The following BCAR3 variants were observed in gnomAD, a reference collection of about 807,000 sequenced individuals.
BCAR3 encodes breast cancer anti-estrogen resistance protein 3.
A neutral mutation model predicts 80.1 loss-of-function variants in BCAR3; 37 were observed. The ratio of observed to expected loss-of-function variants is 0.46; its 90% CI spans 0.36 to 0.61. The LOEUF (loss-of-function observed/expected upper bound fraction) is 0.61. BCAR3 is among the 20% of genes least tolerant of loss of function. The pLI, the probability that BCAR3 is intolerant of heterozygous loss-of-function variation, is 0.00. For synonymous variants in BCAR3, 389 were observed against 418.9 expected, an observed-to-expected ratio of 0.93 and a Z score of 0.87; for missense variants, 978 against 1,068.2, an observed-to-expected ratio of 0.92 and a Z score of 1.18.
chr1:93,610,497 A>T (rs1040397991), intron 3 of BCAR3, among the ~76,000 whole-genome samples: 5 of 152,024 alleles, frequency 3.3e-5, no homozygotes, highest in South Asian at 2.1e-4. Flanking sequence ...ACAAACAACA[A>T]CATCAAAAAC....
At position 93,787,759 on chromosome 1, in the gene BCAR3, C is replaced by T. The variant is rs929648441; in HGVS notation, c.-63+57808G>A. On this transcript the variant is annotated intron_variant, in intron 2 of 13. Transcript: ENST00000370244. ...ATGGTCTATCTTGGAGAATGTTCCA[C>T]GTGCTGATGAGAAGAATATATATTC... Among the ~76,000 whole-genome samples the T allele has an allele frequency of 3.3e-5, 5 of 152,074 alleles. No individual in the cohort carries two copies. The South Asian group carries it at 8.3e-4, about 25-fold the overall frequency.
intron 3 of BCAR3, among the ~76,000 whole-genome samples, chr1:93,604,624 C>G (rs1243757088): frequency 6.6e-6 from 1 of 152,164 alleles, no homozygotes; most frequent in African/African-American, 2.4e-5. Flanking sequence ...CCCCTGTTAC[C>G]TTTGATCCAC....
At chr1:93,762,798 C>G (rs1651997654) in intron 2 of BCAR3, among the ~76,000 whole-genome samples, 1 of 152,042 alleles carries the variant, frequency 6.6e-6, no homozygotes, top group African/African-American at 2.4e-5. Context: ...TCTAAGTTGC[C>G]TCACCCACTC....
In BCAR3 at chr1:93,621,304, C is replaced by T. The variant is rs539550949; in HGVS notation, c.357+21000G>A. On this transcript the variant is annotated intron_variant, in intron 3 of 11. Transcript: ENST00000260502. ...TGCCAAAGTAGCTGTGAGAATCAGT[C>T]CAGATGAGGAGTTCTGAACCTAGGG... is the stretch of plus-strand genomic sequence containing the variant. Among the ~76,000 whole-genome samples, 3 of 152,306 alleles carry T rather than the reference C, an allele frequency of 2.0e-5. No individual in the cohort carries two copies. In the East Asian group the frequency reaches 5.8e-4, roughly 29 times the overall value.
chr1:93,761,268 C>T (rs1651935891), intron 2 of BCAR3, among the ~76,000 whole-genome samples: 1 of 152,118 alleles, frequency 6.6e-6, no homozygotes, highest in African/African-American at 2.4e-5. Flanking sequence ...TCTGCTGACC[C>T]CAACGTCCTG....
In BCAR3 at chr1:93,607,147, C is replaced by CA. The variant is rs373300938; in HGVS notation, c.358-14755dup. 5.0e-3 allele frequency among the ~76,000 whole-genome samples: 764 copies of CA among 152,234 alleles called. 7 individuals are homozygous for CA. Among genetic ancestry groups the CA allele is most frequent in the African/African-American group, 0.018 (732 of 41,540 alleles). The stretch of plus-strand genomic sequence containing the variant: ...GGGGCTGACAAATTACCCATTGGTA[C>CA]AATGTTCATTATTTGGGTGGTGAGT... On this transcript the variant is annotated intron_variant, in intron 3 of 11. Transcript: ENST00000260502.
intron 1 of BCAR3, among the ~76,000 whole-genome samples, chr1:93,675,513 G>A (rs1016971388): frequency 6.6e-6 from 1 of 152,156 alleles, no homozygotes; most frequent in African/African-American, 2.4e-5. Flanking sequence ...AGGGTCAGGA[G>A]GTGGGCCATT....
intron 1 of BCAR3, among the ~76,000 whole-genome samples, chr1:93,677,503 T>C (rs1571036537): frequency 6.6e-6 from 1 of 152,136 alleles, no homozygotes; most frequent in East Asian, 1.9e-4. Flanking sequence ...CTGGTTGTTC[T>C]GGAGGGGAGA....
intron 2 of BCAR3, among the ~76,000 whole-genome samples, chr1:93,651,596 G>T (rs1043197260): frequency 6.6e-6 from 1 of 152,198 alleles, no homozygotes; most frequent in African/African-American, 2.4e-5. Flanking sequence ...GCTAGGAAGA[G>T]GAGTCTGAGG....
chr1:93,825,816 C>T (rs1188871740), intron 2 of BCAR3, among the ~76,000 whole-genome samples: 2 of 152,184 alleles, frequency 1.3e-5, no homozygotes, highest in African/African-American at 4.8e-5. Flanking sequence ...ACTTCACTAA[C>T]CTGGTCCCTC....
chr1:93,836,433 C>A (rs1654770137), intron 2 of BCAR3, among the ~76,000 whole-genome samples: 1 of 152,046 alleles, frequency 6.6e-6, no homozygotes. Flanking sequence ...TCAGTTCATA[C>A]AAAACCACAT....
At chr1:93,789,630 G>A (rs1653072440) in intron 2 of BCAR3, among the ~76,000 whole-genome samples, 1 of 152,178 alleles carries the variant, frequency 6.6e-6, no homozygotes, top group Admixed American at 6.5e-5. Flanking sequence ...CATTTGTTTA[G>A]AATGATAGGG....
At chr1:93,648,625 T>C (rs1391039226) in intron 2 of BCAR3, 2 of 152,250 alleles carry the variant, frequency 1.3e-5, no homozygotes, top group African/African-American at 4.8e-5. Context: ...CAGTGCTTGC[T>C]TATATTTCCT....
At chr1:93,659,105 T>C (rs557195646) in intron 2 of BCAR3, among the ~76,000 whole-genome samples, 8 of 152,318 alleles carry the variant, frequency 5.3e-5, no homozygotes, top group Non-Finnish European at 1.0e-4. Flanking sequence ...TTCTCCAGCA[T>C]GAAGCTTCAG....
Position 93,629,461 on chromosome 1 carries a change from G to T in BCAR3, c.357+12843C>A, listed in dbSNP as rs376225104. The stretch of plus-strand genomic sequence containing the variant: ...TAGCATTTTAGAGCTCTTCATTCAA[G>T]AACATTGACAATTAATTCTAATAAT... On this transcript the variant is annotated intron_variant, in intron 3 of 11. Coordinates refer to ENST00000260502, the MANE Select transcript of BCAR3 (RefSeq NM_003567.4). 1.2e-3 allele frequency among the ~76,000 whole-genome samples: 178 copies of T among 152,282 alleles called. 7 individuals are homozygous for T. In the South Asian group the frequency reaches 0.035, roughly 30 times the overall value.
chr1:93,588,914 T>G, intron 5 of BCAR3, 63 bp downstream of exon 5: 1 of 1,452,928 alleles, frequency 6.9e-7, no homozygotes, highest in Admixed American at 2.3e-5. Flanking sequence ...ATTCTTCACC[T>G]GCCTAACTAA....
Position 93,674,954 on chromosome 1 carries a change from G to C in BCAR3, c.-11-13C>G. The C allele has an allele frequency of 6.6e-7, 1 of 1,511,752 alleles. No individual in the cohort carries two copies. The highest frequency in any genetic ancestry group is 8.8e-7 in the Non-Finnish European group (1 of 1,131,576). 93.6% of individuals were successfully genotyped at this position (1,511,752 alleles called of 1,614,324 possible). ...ATAATTCTCAACTCTAAGGGGGAAA[G>C]AAAAGAGTGAAGGTATAAATCTATG... On this transcript the variant is annotated splice_polypyrimidine_tract_variant and intron_variant, in intron 1 of 11. Transcript: ENST00000260502.
intron 2 of BCAR3, among the ~76,000 whole-genome samples, chr1:93,764,463 C>T (rs554717167): frequency 6.6e-6 from 1 of 152,246 alleles, no homozygotes; most frequent in South Asian, 2.1e-4. Context: ...CTCTCCCACC[C>T]CAGCCCAGGC....
At chr1:93,761,170 C>G (rs1471744746) in intron 2 of BCAR3, among the ~76,000 whole-genome samples, 2 of 152,106 alleles carry the variant, frequency 1.3e-5, no homozygotes, top group Non-Finnish European at 2.9e-5. Context: ...AGGAGTCTGC[C>G]CCCTGTAGAG....
Sources: gnomAD v4.1 joint callset for allele counts (sites outside exome capture counted in the v4.1 genomes callset) on GRCh38, gnomAD v4.1.1 for gene constraint, MANE v1.5 for transcripts, NCBI Gene and HGNC (gene_info 2026-07-23, HGNC 2026-07-21) for gene names.